The following MAGI2 variants were observed in gnomAD, a reference collection of about 807,000 sequenced individuals.
The protein encoded by MAGI2 is membrane-associated guanylate kinase, WW and PDZ domain-containing protein 2.
MAGI2 carries 35 observed loss-of-function variants against 133.3 expected under a neutral mutation model. The ratio of observed to expected loss-of-function variants is 0.26; its 90% CI spans 0.20 to 0.35. The LOEUF (loss-of-function observed/expected upper bound fraction) is 0.35. Ranked by LOEUF, MAGI2 falls within the 10% of genes least tolerant of loss-of-function variation. The probability of loss-of-function intolerance (pLI) is 1.00; values close to 1 mark genes in which losing one functional copy is unlikely to be tolerated. For missense variants in MAGI2, 1,636 were observed against 1,863.4 expected (o/e 0.88, Z 2.25); for synonymous variants, 729 against 710.6 (o/e 1.03, Z -0.41).
At chr7:78,895,973 G>A (rs1011559889) in intron 2 of MAGI2, among the ~76,000 whole-genome samples, 1 of 151,990 alleles carries the variant, frequency 6.6e-6, no homozygotes, top group African/African-American at 2.4e-5. Flanking sequence ...TTGGCATTTG[G>A]AAAAATTTTC....
intron 12 of MAGI2, among the ~76,000 whole-genome samples, chr7:78,194,033 A>G (rs1828484264): frequency 6.6e-6 from 1 of 152,220 alleles, no homozygotes; most frequent in Non-Finnish European, 1.5e-5. Context: ...GTTGGAAACA[A>G]GACATTGATG....
At chr7:78,875,092 C>T (rs1475140912) in intron 2 of MAGI2, among the ~76,000 whole-genome samples, 1 of 151,966 alleles carries the variant, frequency 6.6e-6, no homozygotes, top group Admixed American at 6.5e-5. Context: ...AAAGAGGAAA[C>T]AAAAAATCTG....
chr7:79,394,818 G>C (rs991261913), intron 1 of MAGI2, among the ~76,000 whole-genome samples: 1 of 152,042 alleles, frequency 6.6e-6, no homozygotes, highest in African/African-American at 2.4e-5. Flanking sequence ...TTTCTCACTT[G>C]CTATTGATTT....
intron 2 of MAGI2, among the ~76,000 whole-genome samples, chr7:78,714,416 A>T (rs1585170148): frequency 6.6e-6 from 1 of 152,222 alleles, no homozygotes; most frequent in East Asian, 1.9e-4. Context: ...ATGCCCAGAC[A>T]GCAAGAAAAT....
At chr7:78,923,166 T>C (rs905468654) in intron 2 of MAGI2, among the ~76,000 whole-genome samples, 1 of 152,186 alleles carries the variant, frequency 6.6e-6, no homozygotes, top group African/African-American at 2.4e-5. Context: ...TGATGGTAGT[T>C]TCTTTTGCTG....
intron 2 of MAGI2, among the ~76,000 whole-genome samples, chr7:78,971,736 C>T (rs76832740): frequency 0.057 from 8,593 of 151,950 alleles, 282 homozygotes; most frequent in Non-Finnish European, 0.079. Flanking sequence ...ACTGACTTTG[C>T]TATTTACAAA....
chr7:78,787,744 T>C (rs891418974), intron 2 of MAGI2, among the ~76,000 whole-genome samples: 5 of 152,166 alleles, frequency 3.3e-5, no homozygotes, highest in African/African-American at 9.7e-5. Flanking sequence ...ACATTACAAA[T>C]AAATCATCAG....
At chr7:78,599,618 C>T (rs1182030120) in intron 3 of MAGI2, among the ~76,000 whole-genome samples, 1 of 152,188 alleles carries the variant, frequency 6.6e-6, no homozygotes, top group Non-Finnish European at 1.5e-5. Flanking sequence ...CTCTACTCTT[C>T]CACTGAACAA....
chr7:79,204,763 G>C (rs1032989560), intron 1 of MAGI2, among the ~76,000 whole-genome samples: 1 of 151,664 alleles, frequency 6.6e-6, no homozygotes, highest in Non-Finnish European at 1.5e-5. Context: ...CAATTTAATA[G>C]AAAAATTGAA....
intron 15 of MAGI2, among the ~76,000 whole-genome samples, chr7:78,162,132 T>C (rs1046874289): frequency 3.9e-5 from 6 of 152,206 alleles, no homozygotes; most frequent in African/African-American, 1.2e-4. Context: ...CCTCGAGTTA[T>C]TGGACCAAAC....
At chr7:78,431,743 T>C (rs981317142) in intron 6 of MAGI2, among the ~76,000 whole-genome samples, 1 of 152,062 alleles carries the variant, frequency 6.6e-6, no homozygotes, top group African/African-American at 2.4e-5. Context: ...TCTCATAGCT[T>C]AAAGCTGATG....
intron 18 of MAGI2, among the ~76,000 whole-genome samples, chr7:78,131,782 ATGATGCCTATCTC>A (rs2150527761): frequency 6.6e-6 from 1 of 152,338 alleles, no homozygotes; most frequent in East Asian, 1.9e-4. Context: ...TCATTAGTCT[ATGATGCCTATCTC>A]TAATGCTATG....
intron 2 of MAGI2, among the ~76,000 whole-genome samples, chr7:78,692,722 G>A (rs374024909): frequency 5.3e-5 from 8 of 151,946 alleles, no homozygotes; most frequent in East Asian, 1.9e-4. Context: ...AAATAAATCC[G>A]GAACAAAAAA....
chr7:78,382,954 T>C (rs1199868587), intron 6 of MAGI2, among the ~76,000 whole-genome samples: 1 of 152,136 alleles, frequency 6.6e-6, no homozygotes, highest in East Asian at 1.9e-4. Context: ...TTTTTATTTA[T>C]GATTGAATAT....
intron 10 of MAGI2, among the ~76,000 whole-genome samples, chr7:78,227,153 T>C (rs1053831953): frequency 4.6e-5 from 7 of 152,240 alleles, no homozygotes; most frequent in Non-Finnish European, 1.5e-5. Flanking sequence ...AGTATAACTC[T>C]CTGAATATTC....
chr7:78,703,523 C>T (rs1047044198), intron 2 of MAGI2, among the ~76,000 whole-genome samples: 4 of 152,066 alleles, frequency 2.6e-5, no homozygotes, highest in East Asian at 1.9e-4. Flanking sequence ...TTTTCATCTT[C>T]ATAACTCTGA....
At chr7:78,990,941 C>CACACACACAG (rs982105642) in intron 2 of MAGI2, among the ~76,000 whole-genome samples, 6 of 146,756 alleles carry the variant, frequency 4.1e-5, no homozygotes, top group Admixed American at 6.9e-5. Context: ...CACACACACA[C>CACACACACAG]AGAGATATGG....
At chr7:79,200,107 G>C (rs575506207) in intron 1 of MAGI2, among the ~76,000 whole-genome samples, 1 of 151,536 alleles carries the variant, frequency 6.6e-6, no homozygotes, top group East Asian at 2.0e-4. Flanking sequence ...CCAATCTCCT[G>C]GCATACCAGG....
At chr7:78,932,016 C>A (rs1439527280) in intron 2 of MAGI2, among the ~76,000 whole-genome samples, 62 of 141,210 alleles carry the variant, frequency 4.4e-4, no homozygotes, top group African/African-American at 8.1e-4. Flanking sequence ...AAAAAAAAAA[C>A]CCACATGATT....
Sources: allele counts gnomAD v4.1 joint callset (sites outside exome capture counted in the v4.1 genomes callset), GRCh38; gene constraint gnomAD v4.1.1; transcripts MANE v1.5; gene names NCBI Gene and HGNC (gene_info 2026-07-23, HGNC 2026-07-21).